GPC6: variants seen among roughly 807,000 people sequenced by gnomAD.
GPC6 encodes glypican-6.
In GPC6, 14 loss-of-function variants were observed where a neutral mutation model predicts 55.2. That is an observed-to-expected ratio of 0.25 (90% CI 0.17 to 0.40). The LOEUF is 0.40. GPC6 is among the 10% of genes least tolerant of loss of function. The pLI, the probability that GPC6 is intolerant of heterozygous loss-of-function variation, is 1.00. For synonymous variants in GPC6, 278 were observed against 259.6 expected, an observed-to-expected ratio of 1.07 and a Z score of -0.68; for missense variants, 641 against 708.5, an observed-to-expected ratio of 0.90 and a Z score of 1.08.
chr13:94,029,318 T>G (rs1156939644), intron 4 of GPC6, among the ~76,000 whole-genome samples: 1 of 152,240 alleles, frequency 6.6e-6, no homozygotes, highest in Non-Finnish European at 1.5e-5. Flanking sequence ...TGATCATGAG[T>G]TACTTTATTT....
intron 4 of GPC6, among the ~76,000 whole-genome samples, chr13:94,202,747 T>C (rs951143771): frequency 8.5e-5 from 13 of 152,134 alleles, no homozygotes; most frequent in East Asian, 3.9e-4. Flanking sequence ...GGTTAGGTGA[T>C]GGAGACATCT....
intron 1 of GPC6, among the ~76,000 whole-genome samples, chr13:93,363,520 A>C (rs1594120164): frequency 6.6e-6 from 1 of 151,380 alleles, no homozygotes; most frequent in Admixed American, 6.6e-5. Context: ...ACATTTTCTT[A>C]ATCCAGTCTA....
chr13:93,267,920 C>T (rs1161038634), intron 1 of GPC6, among the ~76,000 whole-genome samples: 1 of 152,142 alleles, frequency 6.6e-6, no homozygotes, highest in African/African-American at 2.4e-5. Context: ...TTATAGCTCT[C>T]TCTGTAGAGA....
In GPC6 at chr13:93,522,355, T is replaced by TA. The variant is rs1881451471; in HGVS notation, c.161-22906dup. On this transcript the variant is annotated intron_variant, in intron 1 of 8. Coordinates refer to ENST00000377047, the MANE Select transcript of GPC6 (RefSeq NM_005708.5). ...AATAATCCAGTTTTGTGTTCATGTA[T>TA]AATTCATTTCATCATTAAGTTTTGC... Among the ~76,000 whole-genome samples the TA allele has an allele frequency of 3.9e-5, 6 of 152,128 alleles. No homozygotes were observed. The South Asian group carries it at 1.2e-3, about 32-fold the overall frequency.
rs115493302 is a variant in GPC6 at position 93,422,170 on chromosome 13, C to T, written c.161-123093C>T. Among the ~76,000 whole-genome samples, 687 of 152,164 alleles carry T rather than the reference C, an allele frequency of 4.5e-3. 3 individuals are homozygous for T. Among genetic ancestry groups the T allele is most frequent in the African/African-American group, 0.013 (555 of 41,504 alleles). Reference sequence around the variant, plus strand: ...GGATTGGATGGGCACTCTTCCCCCACGATTATTCCATCTCAAAAAGACCAA... The same window carrying T: ...GGATTGGATGGGCACTCTTCCCCCATGATTATTCCATCTCAAAAAGACCAA... On this transcript the variant is annotated intron_variant, in intron 1 of 8. Coordinates refer to ENST00000377047, the MANE Select transcript of GPC6 (RefSeq NM_005708.5).
rs563773654 is a variant in GPC6 at position 94,398,155 on chromosome 13, C to G, written c.1290-311C>G. Reference sequence around the variant, plus strand: ...AGGTATGTATGTTTCAGTGTGAGAACAGACTAATACAAGTGGTTTCTTATA... The same window carrying G: ...AGGTATGTATGTTTCAGTGTGAGAAGAGACTAATACAAGTGGTTTCTTATA... On this transcript the variant is annotated intron_variant, in intron 7 of 8. Coordinates refer to ENST00000377047, the MANE Select transcript of GPC6 (RefSeq NM_005708.5). Among the ~76,000 whole-genome samples, 3 of 151,250 alleles carry G rather than the reference C, an allele frequency of 2.0e-5. No individual in the cohort carries two copies. The South Asian group carries it at 6.3e-4, about 32-fold the overall frequency.
intron 6 of GPC6, among the ~76,000 whole-genome samples, chr13:94,379,165 G>A (rs905918625): frequency 2.0e-5 from 3 of 152,262 alleles, no homozygotes; most frequent in Middle Eastern, 6.8e-3. Flanking sequence ...ATTTCTAAAT[G>A]ATGTGCAAGT....
chr13:94,045,901 G>A (rs1883716152), intron 4 of GPC6, among the ~76,000 whole-genome samples: 1 of 151,900 alleles, frequency 6.6e-6, no homozygotes, highest in Non-Finnish European at 1.5e-5. Flanking sequence ...TTCTTTTCAT[G>A]CATTATTCTA....
intron 2 of GPC6, among the ~76,000 whole-genome samples, chr13:93,705,569 G>A (rs1032067787): frequency 6.6e-6 from 1 of 151,868 alleles, no homozygotes; most frequent in African/African-American, 2.4e-5. Flanking sequence ...GGCAGCTAGA[G>A]GGAGAGGAGA....
chr13:93,564,517 T>C (rs1875987131), intron 2 of GPC6, among the ~76,000 whole-genome samples: 1 of 152,140 alleles, frequency 6.6e-6, no homozygotes, highest in Non-Finnish European at 1.5e-5. Flanking sequence ...CTGAAAATCT[T>C]CAAATTCAGT....
chr13:94,334,772 G>A (rs750796583), intron 6 of GPC6, among the ~76,000 whole-genome samples: 12 of 152,186 alleles, frequency 7.9e-5, no homozygotes, highest in East Asian at 1.9e-4. Flanking sequence ...CACATCAGGC[G>A]TAATGTTCTA....
At position 94,304,997 on chromosome 13, in the gene GPC6, A is replaced by G. The variant is rs373016225; in HGVS notation, c.1009-983A>G. 9.2e-5 allele frequency among the ~76,000 whole-genome samples: 14 copies of G among 152,338 alleles called. No individual in the cohort carries two copies. In the East Asian group the frequency reaches 1.5e-3, roughly 17 times the overall value. ...CTGAAATTATTTGGCTTTATGTGCTATACAATGAAATAATTTGTCATGATA... is the reference window on the plus strand; with the variant it reads ...CTGAAATTATTTGGCTTTATGTGCTGTACAATGAAATAATTTGTCATGATA... On this transcript the variant is annotated intron_variant, in intron 5 of 8. Coordinates refer to ENST00000377047, the MANE Select transcript of GPC6 (RefSeq NM_005708.5).
intron 2 of GPC6, among the ~76,000 whole-genome samples, chr13:93,625,332 G>A (rs1566455992): frequency 1.3e-5 from 2 of 152,166 alleles, no homozygotes; most frequent in African/African-American, 4.8e-5. Flanking sequence ...ATTAGCTTGA[G>A]AGTTATAAAA....
intron 3 of GPC6, among the ~76,000 whole-genome samples, chr13:93,926,199 C>G (rs1877848006): frequency 6.6e-6 from 1 of 152,066 alleles, no homozygotes; most frequent in African/African-American, 2.4e-5. Flanking sequence ...GTGAAAGGGG[C>G]CTAGATAGGG....
In GPC6 at chr13:93,766,217, G is replaced by A. The variant is rs773495834; in HGVS notation, c.320-63937G>A. On this transcript the variant is annotated intron_variant, in intron 2 of 8. Transcript: ENST00000377047. ...AAGAATTAAGAATTCAAATGATGCC[G>A]TTTTTAATGAAATTATAAAATTGAA... Among the ~76,000 whole-genome samples the A allele has an allele frequency of 7.9e-5, 12 of 152,258 alleles. No homozygotes were observed. In the South Asian group the frequency reaches 1.0e-3, roughly 13 times the overall value.
At chr13:93,644,175 A>G (rs1295546334) in intron 2 of GPC6, among the ~76,000 whole-genome samples, 23 of 152,050 alleles carry the variant, frequency 1.5e-4, no homozygotes, top group Admixed American at 1.5e-3. Flanking sequence ...TATTTCCTTT[A>G]GGCTCAGAGT....
At chr13:93,354,077 G>C (rs1293249228) in intron 1 of GPC6, among the ~76,000 whole-genome samples, 7 of 152,120 alleles carry the variant, frequency 4.6e-5, no homozygotes, top group Admixed American at 2.6e-4. Flanking sequence ...TAAGAAGCAA[G>C]AAAATGCACT....
At chr13:93,698,509 T>A (rs1882547870) in intron 2 of GPC6, among the ~76,000 whole-genome samples, 2 of 148,222 alleles carry the variant, frequency 1.3e-5, no homozygotes, top group South Asian at 4.2e-4. Context: ...TTTTTTTTTT[T>A]TACTGTCAGG....
At chr13:93,737,585 T>G (rs1411419238) in intron 2 of GPC6, among the ~76,000 whole-genome samples, 1 of 152,160 alleles carries the variant, frequency 6.6e-6, no homozygotes, top group African/African-American at 2.4e-5. Context: ...CTGCTTTCAC[T>G]ACATCTTGAG....
Sources: gnomAD v4.1 joint callset for allele counts (sites outside exome capture counted in the v4.1 genomes callset) on GRCh38, gnomAD v4.1.1 for gene constraint, MANE v1.5 for transcripts, NCBI Gene and HGNC (gene_info 2026-07-23, HGNC 2026-07-21) for gene names.